GTF2I: variants seen among roughly 807,000 people sequenced by gnomAD.
The protein encoded by GTF2I is general transcription factor IIi.
In GTF2I, 12 loss-of-function variants were observed where a neutral mutation model predicts 67.6. The observed-to-expected ratio is 0.18, with a 90% CI of 0.11 to 0.29. The LOEUF (loss-of-function observed/expected upper bound fraction) is 0.29, where lower values mean the gene tolerates loss of function less well. Ranked by LOEUF, GTF2I falls within the 10% of genes least tolerant of loss-of-function variation. The pLI is 1.00. For missense variants in GTF2I, 271 were observed against 580.1 expected (o/e 0.47, Z 5.47); for synonymous variants, 149 against 197.0 (o/e 0.76, Z 2.04).
intron 11 of GTF2I, among the ~76,000 whole-genome samples, chr7:74,718,159 A>T (rs1327876811): frequency 6.6e-6 from 1 of 152,256 alleles, no homozygotes; most frequent in Non-Finnish European, 1.5e-5. Context: ...TTACTGTCAT[A>T]TTCCAGTGTT....
intron 1 of GTF2I, among the ~76,000 whole-genome samples, chr7:74,664,656 CTGCTGACCTCAAAT>C (rs1325628255): frequency 1.3e-5 from 2 of 152,088 alleles, no homozygotes; most frequent in Non-Finnish European, 2.9e-5. Flanking sequence ...TGGTCTCAAA[CTGCTGACCTCAAAT>C]GATCCACCTG....
At chr7:74,729,851 G>A (rs1554406354) in intron 13 of GTF2I, among the ~76,000 whole-genome samples, 1 of 152,038 alleles carries the variant, frequency 6.6e-6, no homozygotes, top group African/African-American at 2.4e-5. Flanking sequence ...CATGTTTTAG[G>A]AAGTTTGCTA....
At chr7:74,728,136 T>A (rs1794096873) in intron 12 of GTF2I, 1 of 151,982 alleles carries the variant, frequency 6.6e-6, no homozygotes, top group African/African-American at 2.4e-5. Flanking sequence ...CCCATCTCTA[T>A]CAAAAAAATA....
At chr7:74,722,934 TAG>T (rs1401935740) in intron 12 of GTF2I, 1 of 152,210 alleles carries the variant, frequency 6.6e-6, no homozygotes, top group Non-Finnish European at 1.5e-5. Context: ...AATACGTTTT[TAG>T]AGTTTCAGTA....
chr7:74,658,277 C>A lies in GTF2I; in HGVS notation c.-6+209C>A, dbSNP rs587698326. 3.0e-3 allele frequency among the ~76,000 whole-genome samples: 458 copies of A among 150,276 alleles called. 3 individuals are homozygous for A. The highest frequency in any genetic ancestry group is 4.9e-3 in the Non-Finnish European group (331 of 67,254). On this transcript the variant is annotated intron_variant, in intron 1 of 34. Transcript: ENST00000573035. Reference sequence around the variant, plus strand: ...CCCCACCGCCTCGCCGGGTCTCGAGCCCCGCCGGCCTTGGCAGTGGCCGAA... The same window carrying A: ...CCCCACCGCCTCGCCGGGTCTCGAGACCCGCCGGCCTTGGCAGTGGCCGAA...
chr7:74,683,288 A>G (rs56383938), intron 1 of GTF2I, among the ~76,000 whole-genome samples: 8,893 of 152,264 alleles, frequency 0.058, 365 homozygotes, highest in Non-Finnish European at 0.087. Flanking sequence ...CTAAAAAGAG[A>G]CCGTAGATTA....
At chr7:74,675,196 C>G (rs1233318075) in intron 1 of GTF2I, among the ~76,000 whole-genome samples, 4 of 152,190 alleles carry the variant, frequency 2.6e-5, no homozygotes, top group African/African-American at 9.6e-5. Flanking sequence ...TTTTGAGTTT[C>G]ATTCATGCCC....
At chr7:74,718,850 T>C in intron 11 of GTF2I, 29 bp from the exon 12 acceptor site, 2 of 1,183,558 alleles carry the variant, frequency 1.7e-6, no homozygotes, top group Non-Finnish European at 1.2e-6. Context: ...TAATAATGAA[T>C]GTCATTTTAG....
rs1232512900 is a variant in GTF2I, at chr7:74,689,112, TCTC to T, written c.-5-9_-5-7del. 2 of 1,536,978 alleles carry T rather than the reference TCTC, an allele frequency of 1.3e-6. No homozygotes were observed. Among genetic ancestry groups the T allele is most frequent in the African/African-American group, 1.4e-5 (1 of 73,342 alleles). The stretch of plus-strand genomic sequence containing the variant: ...TTCTACCACTCACTTTCTTCTTACT[TCTC>T]CTGCACAGGGATCATGGCCCAAGTT... On this transcript the variant is annotated splice_polypyrimidine_tract_variant and intron_variant, in intron 1 of 34. Coordinates refer to ENST00000573035, the MANE Select transcript of GTF2I (RefSeq NM_032999.4).
chr7:74,662,808 T>C (rs1438041448), intron 1 of GTF2I, among the ~76,000 whole-genome samples: 2 of 152,020 alleles, frequency 1.3e-5, no homozygotes, highest in African/African-American at 4.8e-5. Flanking sequence ...AGGCGCCCTG[T>C]GATTTTTAGG....
At chr7:74,731,623 T>C (rs2529306) in intron 14 of GTF2I, among the ~76,000 whole-genome samples, 18 of 151,308 alleles carry the variant, frequency 1.2e-4, no homozygotes, top group African/African-American at 4.1e-4. Context: ...TGGCTCACTG[T>C]AACCTCTGCC....
chr7:74,671,676 C>T (rs1247614691), intron 1 of GTF2I, among the ~76,000 whole-genome samples: 1 of 152,082 alleles, frequency 6.6e-6, no homozygotes, highest in East Asian at 1.9e-4. Flanking sequence ...TGTCAGCATA[C>T]GCCCCTAGAA....
At chr7:74,706,317 C>A in intron 7 of GTF2I, 73 bp from the exon 8 acceptor site, 2 of 1,289,218 alleles carry the variant, frequency 1.6e-6, no homozygotes, top group Non-Finnish European at 2.3e-6. Context: ...ACTTTGAGAC[C>A]CAGAGACTTT....
intron 8 of GTF2I, among the ~76,000 whole-genome samples, chr7:74,709,223 T>C (rs372050938): frequency 8.5e-5 from 13 of 152,186 alleles, no homozygotes; most frequent in African/African-American, 2.6e-4. Flanking sequence ...TTACCAGACT[T>C]TTTTTTGGAT....
Position 74,726,229 on chromosome 7 carries a change from AT to A in GTF2I, c.944-2556del, listed in dbSNP as rs587763843. Among the ~76,000 whole-genome samples the A allele has an allele frequency of 5.9e-5, 9 of 152,368 alleles. No individual in the cohort carries two copies. In the East Asian group the frequency reaches 1.2e-3, roughly 20 times the overall value. On this transcript the variant is annotated intron_variant, in intron 12 of 34. Coordinates refer to ENST00000573035, the MANE Select transcript of GTF2I (RefSeq NM_032999.4). ...GTTACTGCTTAATGTTTGTAAAAAA[AT>A]ATATAGTAATATTAAGCATTTATAA...
rs1350789299 is a variant in GTF2I, at chr7:74,688,876, C to T, written c.-5-248C>T. On this transcript the variant is annotated intron_variant, in intron 1 of 34. Coordinates refer to ENST00000573035, the MANE Select transcript of GTF2I (RefSeq NM_032999.4). ...GAAATTTCACTGATTCTGGGTGCCA[C>T]CTGGATTTATTTGGGGTGTGATATT... 1.0e-5 allele frequency: 4 copies of T among 393,338 alleles called. No individual in the cohort carries two copies. The East Asian group carries it at 1.9e-4, about 18-fold the overall frequency. 24.4% of individuals were successfully genotyped at this position (393,338 alleles called of 1,614,324 possible).
intron 1 of GTF2I, among the ~76,000 whole-genome samples, chr7:74,688,525 C>T (rs1332634959): frequency 2.0e-5 from 3 of 152,056 alleles, no homozygotes; most frequent in Admixed American, 2.0e-4. Context: ...GCTGCGATCT[C>T]CGCTCACTGC....
intron 12 of GTF2I, among the ~76,000 whole-genome samples, chr7:74,720,490 T>C (rs1266594446): frequency 1.3e-5 from 2 of 152,280 alleles, no homozygotes; most frequent in African/African-American, 4.8e-5. Context: ...TTCATAAATA[T>C]AATTTTTCTA....
At chr7:74,700,529 A>G in intron 5 of GTF2I, 77 bp from the exon 6 acceptor site, 1 of 1,595,436 alleles carries the variant, frequency 6.3e-7, no homozygotes, top group Non-Finnish European at 8.6e-7. Flanking sequence ...TATTTAACAC[A>G]GAAGTCATTT....
Sources: allele counts gnomAD v4.1 joint callset (sites outside exome capture counted in the v4.1 genomes callset), GRCh38; gene constraint gnomAD v4.1.1; transcripts MANE v1.5; gene names NCBI Gene and HGNC (gene_info 2026-07-23, HGNC 2026-07-21).